Variants in MIPOL1 observed in about 807,000 individuals in gnomAD.
MIPOL1 encodes the protein mirror-image polydactyly gene 1 protein.
A neutral mutation model predicts 60.9 loss-of-function variants in MIPOL1; 57 were observed. That is an observed-to-expected ratio of 0.94 (90% confidence interval 0.76 to 1.17). MIPOL1 has a LOEUF of 1.17. MIPOL1 is among the 50% of genes most tolerant of loss of function. The pLI, the probability that MIPOL1 is intolerant of heterozygous loss-of-function variation, is 0.00. For synonymous variants in MIPOL1, 179 were observed against 168.8 expected (o/e 1.06, Z -0.47); for missense variants, 551 against 511.6 (o/e 1.08, Z -0.74).
chr14:37,243,966 A>G (rs1418796090), intron 1 of MIPOL1, among the ~76,000 whole-genome samples: 1 of 151,776 alleles, frequency 6.6e-6, no homozygotes, highest in African/African-American at 2.4e-5. Flanking sequence ...AATTTTTTCA[A>G]CCTTCTTTTT....
intron 12 of MIPOL1, among the ~76,000 whole-genome samples, chr14:37,538,403 C>T (rs2095515769): frequency 6.6e-6 from 1 of 152,008 alleles, no homozygotes; most frequent in Admixed American, 6.6e-5. Flanking sequence ...CTTTCCCAGT[C>T]AACATTTTTC....
At chr14:37,436,649 A>G (rs1005778131) in intron 11 of MIPOL1, among the ~76,000 whole-genome samples, 1 of 152,240 alleles carries the variant, frequency 6.6e-6, no homozygotes, top group African/African-American at 2.4e-5. Flanking sequence ...TAAAAAGCTT[A>G]GTAAATATTG....
At chr14:37,537,131 G>A (rs1010645709) in intron 12 of MIPOL1, among the ~76,000 whole-genome samples, 31 of 152,062 alleles carry the variant, frequency 2.0e-4, no homozygotes, top group Non-Finnish European at 3.2e-4. Context: ...ACAAGATATT[G>A]GAGATACCTG....
chr14:37,274,130 T>G (rs2153396155), intron 6 of MIPOL1, among the ~76,000 whole-genome samples: 1 of 151,640 alleles, frequency 6.6e-6, no homozygotes, highest in South Asian at 2.1e-4. Flanking sequence ...TTAATATCAC[T>G]AATACATTTT....
chr14:37,403,669 T>G (rs1221461796), intron 10 of MIPOL1, among the ~76,000 whole-genome samples: 1 of 152,180 alleles, frequency 6.6e-6, no homozygotes, highest in East Asian at 1.9e-4. Flanking sequence ...TCATCGTTTT[T>G]TATTACAACC....
At chr14:37,335,691 GCC>G (rs2090053508) in intron 9 of MIPOL1, among the ~76,000 whole-genome samples, 1 of 151,912 alleles carries the variant, frequency 6.6e-6, no homozygotes, top group East Asian at 1.9e-4. Context: ...TCTAACTTTG[GCC>G]ATTGTGAATA....
chr14:37,333,465 G>A (rs1055400149), intron 9 of MIPOL1, among the ~76,000 whole-genome samples: 2 of 152,052 alleles, frequency 1.3e-5, no homozygotes, highest in African/African-American at 4.8e-5. Context: ...CATATTAAAG[G>A]TAGTGAAAAG....
At chr14:37,416,556 C>T (rs757441649) in intron 10 of MIPOL1, among the ~76,000 whole-genome samples, 2 of 152,038 alleles carry the variant, frequency 1.3e-5, no homozygotes, top group Non-Finnish European at 2.9e-5. Flanking sequence ...AGAAAAAGTA[C>T]AGTAAAAATA....
At chr14:37,306,466 A>G (rs1033408474) in intron 7 of MIPOL1, among the ~76,000 whole-genome samples, 1 of 151,908 alleles carries the variant, frequency 6.6e-6, no homozygotes, top group African/African-American at 2.4e-5. Flanking sequence ...TAAATCATCA[A>G]GGTTAACAAG....
At chr14:37,339,783 AT>A (rs530743544) in intron 9 of MIPOL1, among the ~76,000 whole-genome samples, 6 of 152,168 alleles carry the variant, frequency 3.9e-5, no homozygotes, top group Non-Finnish European at 8.8e-5. Context: ...TCAAGAAGAG[AT>A]GAAATAACCC....
intron 11 of MIPOL1, among the ~76,000 whole-genome samples, chr14:37,492,775 G>A (rs1282384171): frequency 1.3e-5 from 2 of 152,096 alleles, no homozygotes; most frequent in Non-Finnish European, 2.9e-5. Flanking sequence ...TGACATAGTG[G>A]TCTGGATAAT....
At chr14:37,484,037 C>G (rs1487433155) in intron 11 of MIPOL1, among the ~76,000 whole-genome samples, 1 of 152,194 alleles carries the variant, frequency 6.6e-6, no homozygotes, top group Non-Finnish European at 1.5e-5. Context: ...GTACCATCAA[C>G]AGATGAACAG....
chr14:37,361,208 T>C (rs1279956652), intron 9 of MIPOL1, among the ~76,000 whole-genome samples: 1 of 152,238 alleles, frequency 6.6e-6, no homozygotes, highest in Non-Finnish European at 1.5e-5. Flanking sequence ...TCTGTTCTTT[T>C]ACATATGCTA....
At chr14:37,272,451 G>A (rs981000567) in intron 6 of MIPOL1, among the ~76,000 whole-genome samples, 5 of 151,504 alleles carry the variant, frequency 3.3e-5, no homozygotes, top group African/African-American at 9.7e-5. Flanking sequence ...AAAAAATTTG[G>A]TAACTGACCC....
chr14:37,201,128 C>T (rs1481455928), intron 1 of MIPOL1, among the ~76,000 whole-genome samples: 3 of 151,860 alleles, frequency 2.0e-5, no homozygotes, highest in Non-Finnish European at 2.9e-5. Context: ...TGGTTTTAAA[C>T]TCCTGAGCTC....
intron 10 of MIPOL1, among the ~76,000 whole-genome samples, chr14:37,394,084 A>ATATATATATATATCTC (rs1491106712): frequency 7.4e-6 from 1 of 134,668 alleles, no homozygotes; most frequent in Non-Finnish European, 1.6e-5. Context: ...ATATATATAT[A>ATATATATATATATCTC]TCTCCATGTT....
intron 11 of MIPOL1, among the ~76,000 whole-genome samples, chr14:37,437,435 A>G (rs576524471): frequency 1.3e-5 from 2 of 152,292 alleles, no homozygotes; most frequent in African/African-American, 4.8e-5. Flanking sequence ...ATATTACATG[A>G]AAAAAGGTGA....
intron 11 of MIPOL1, among the ~76,000 whole-genome samples, chr14:37,454,385 G>A (rs2094454552): frequency 6.6e-6 from 1 of 152,170 alleles, no homozygotes; most frequent in Admixed American, 6.5e-5. Flanking sequence ...TAGTGATAGT[G>A]TTAGCTAACA....
In MIPOL1 at chr14:37,521,202, G is replaced by A. The variant is rs375509658; in HGVS notation, c.1262+21064G>A. Reference sequence around the variant, plus strand: ...TCCACCCGCCTCAGTCTCCCAAAGTGCTGGGATTATAGGTGTGAGCCACTG... The same window carrying A: ...TCCACCCGCCTCAGTCTCCCAAAGTACTGGGATTATAGGTGTGAGCCACTG... On this transcript the variant is annotated intron_variant, in intron 12 of 12. Coordinates refer to ENST00000684589, the MANE Select transcript of MIPOL1 (RefSeq NM_001388067.1). Among the ~76,000 whole-genome samples, 15 of 151,378 alleles carry A rather than the reference G, an allele frequency of 9.9e-5. 1 individual carries two copies. The South Asian group carries it at 3.1e-3, about 32-fold the overall frequency.
Sources: allele counts gnomAD v4.1 joint callset (sites outside exome capture counted in the v4.1 genomes callset), GRCh38; gene constraint gnomAD v4.1.1; transcripts MANE v1.5; gene names NCBI Gene and HGNC (gene_info 2026-07-23, HGNC 2026-07-21).